The following CDC7 variants were observed in gnomAD, a reference collection of about 807,000 sequenced individuals.
CDC7 encodes cell division cycle 7-related protein kinase.
CDC7 carries 34 observed loss-of-function variants against 53.5 expected under a neutral mutation model. The ratio of observed to expected loss-of-function variants is 0.64; its 90% CI spans 0.48 to 0.85. The LOEUF is 0.85. CDC7 is among the 40% of genes least tolerant of loss of function. CDC7 has a pLI of 0.00. For missense variants in CDC7, 594 were observed against 679.7 expected (o/e 0.87, Z 1.40); for synonymous variants, 211 against 222.8 (o/e 0.95, Z 0.47).
In CDC7 at chr1:91,515,773, G is replaced by A. The variant is rs754546782; in HGVS notation, c.1098-21G>A. ...ATAGTTCAACTTTAACATAACTAGA[G>A]AAATCTTATTTCATCATAAGGCGTC... is the stretch of plus-strand genomic sequence containing the variant. On this transcript the variant is annotated intron_variant, in intron 9 of 11. Transcript: ENST00000234626. 5 of 1,611,852 alleles carry A rather than the reference G, an allele frequency of 3.1e-6. No individual in the cohort carries two copies. In the African/African-American group the frequency reaches 5.3e-5, roughly 17 times the overall value.
rs886616249 is a variant in CDC7, at chr1:91,525,666, A to T, written c.*1231A>T. 7 of 152,114 alleles carry T rather than the reference A, an allele frequency of 4.6e-5. No individual in the cohort carries two copies. The highest frequency in any genetic ancestry group is 1.0e-4 in the Non-Finnish European group (7 of 67,960). The allele number at this position is 152,114 out of a possible 1,614,324, so 9.4% of individuals were successfully genotyped here. Reference sequence around the variant, plus strand: ...TCTGTTTGGTAAGTATAGGATATATAAACCATTACCATTGATCTGTCTTAT... The same window carrying T: ...TCTGTTTGGTAAGTATAGGATATATTAACCATTACCATTGATCTGTCTTAT... On this transcript the variant is annotated 3_prime_UTR_variant, in exon 12 of 12. Transcript: ENST00000234626.
chr1:91,508,262 G>C lies in CDC7; in HGVS notation c.200G>C (p.Gly67Ala). 6.3e-7 allele frequency: 1 copy of C among 1,580,092 alleles called. No homozygotes were observed. The highest frequency in any genetic ancestry group is 8.6e-7 in the Non-Finnish European group (1 of 1,168,054). ...AAAAATTTAATAAATTGTTTTACAG[G>C]CACTTTCAGCTCTGTTTATTTGGCC... Reference protein sequence around the residue: ...VFKIEDKIGEGTFSSVYLATA... With the variant: ...VFKIEDKIGEATFSSVYLATA... Residue 67 changes from glycine to alanine, a missense_variant and splice_region_variant, in exon 4 of 12, where the codon GGC (glycine) becomes GCC (alanine). Gly to Ala is a moderately conservative substitution (Grantham distance 60, BLOSUM62 0). Transcript: ENST00000234626.
chr1:91,518,093 CAAAAAAAAAAA>C (rs55787737), intron 10 of CDC7, among the ~76,000 whole-genome samples: 8 of 46,020 alleles, frequency 1.7e-4, no homozygotes. Context: ...GACTCAGTCT[CAAAAAAAAAAA>C]AAAAAAAAAA....
intron 10 of CDC7, among the ~76,000 whole-genome samples, chr1:91,516,890 C>T (rs1486343263): frequency 6.6e-6 from 1 of 152,088 alleles, no homozygotes; most frequent in East Asian, 1.9e-4. Flanking sequence ...CATGGTGAAA[C>T]CCCATCTCTA....
chr1:91,522,651 A>G (rs1313724148), intron 11 of CDC7, among the ~76,000 whole-genome samples: 2 of 152,238 alleles, frequency 1.3e-5, no homozygotes, highest in Non-Finnish European at 2.9e-5. Flanking sequence ...AGAACAAGCT[A>G]ATAAAGGAAT....
At chr1:91,520,375 A>G in intron 11 of CDC7, 96 bp downstream of exon 11, 1 of 1,049,174 alleles carries the variant, frequency 9.5e-7, no homozygotes, top group Non-Finnish European at 1.3e-6. Context: ...TTACAAATAA[A>G]CATTCAGTCT....
rs529458734 is a variant in CDC7 at position 91,515,398 on chromosome 1, T to TTCAA, written c.1098-395_1098-392dup. 1.9e-3 allele frequency among the ~76,000 whole-genome samples: 290 copies of TTCAA among 152,312 alleles called. 1 individual carries two copies. The highest frequency in any genetic ancestry group is 6.6e-3 in the African/African-American group (273 of 41,578). On this transcript the variant is annotated intron_variant, in intron 9 of 11. Transcript: ENST00000234626. Reference sequence around the variant, plus strand: ...TTGACTCATAAATTTCTTCCTTTCCTTCAAGGCTTGGCTTTCATAAAGCCT... The same window carrying TTCAA: ...TTGACTCATAAATTTCTTCCTTTCCTTCAATCAAGGCTTGGCTTTCATAAAGCCT...
chr1:91,514,677 T>A, intron 8 of CDC7, 142 bp from the exon 9 acceptor site: 1 of 553,084 alleles, frequency 1.8e-6, no homozygotes. Context: ...AACATTTTAA[T>A]AGACAACAGT....
chr1:91,501,622 T>C (rs1666684252), intron 1 of CDC7, 32 bp from the exon 2 acceptor site: 14 of 876,510 alleles, frequency 1.6e-5, no homozygotes, highest in Non-Finnish European at 1.3e-5. Flanking sequence ...TAGCGAGTGA[T>C]CTAAATTTCT....
chr1:91,507,858 T>TA lies in CDC7; in HGVS notation c.126dup (p.Asp43ArgfsTer3). 1.5e-6 allele frequency: 2 copies of TA among 1,373,646 alleles called. No homozygotes were observed. The highest frequency in any genetic ancestry group is 1.3e-5 in the South Asian group (1 of 77,112). The allele number at this position is 1,373,646 out of a possible 1,614,324, so 85.1% of individuals were successfully genotyped here. The stretch of plus-strand genomic sequence containing the variant: ...AAATTTTTGTTTCCTTGAAAGGTGT[T>TA]AAAAAAGATATTGAGAAGCTTTATG... On this transcript the variant is annotated frameshift_variant, in exon 3 of 12. Coordinates refer to ENST00000234626, the MANE Select transcript of CDC7 (RefSeq NM_003503.4). LOFTEE classifies it high-confidence loss of function.
chr1:91,507,353 C>A (rs1385407653), intron 2 of CDC7, among the ~76,000 whole-genome samples: 1 of 152,162 alleles, frequency 6.6e-6, no homozygotes, highest in African/African-American at 2.4e-5. Flanking sequence ...GCAATTGGGA[C>A]AAATTTTTAA....
intron 11 of CDC7, among the ~76,000 whole-genome samples, chr1:91,523,513 T>G (rs1356572178): frequency 6.6e-6 from 1 of 152,164 alleles, no homozygotes; most frequent in Non-Finnish European, 1.5e-5. Flanking sequence ...AAAGTAATAG[T>G]AGAACTCTCA....
At chr1:91,509,438 C>T (rs942799052) in intron 4 of CDC7, among the ~76,000 whole-genome samples, 2 of 150,870 alleles carry the variant, frequency 1.3e-5, no homozygotes, top group African/African-American at 4.9e-5. Flanking sequence ...GGCCCATCTA[C>T]ACACTTGTTT....
chr1:91,512,442 G>A (rs369504514), intron 6 of CDC7, among the ~76,000 whole-genome samples: 1 of 151,902 alleles, frequency 6.6e-6, no homozygotes, highest in East Asian at 1.9e-4. Flanking sequence ...TCTTATCTCT[G>A]GACTTCATTT....
Position 91,514,903 on chromosome 1 carries a change from A to G in CDC7, c.1003A>G (p.Ser335Gly). ...KKAISTKVMNSAVMRKTASSC... is the reference protein window; with the variant it reads ...KKAISTKVMNGAVMRKTASSC... ...GGCTATTTCTACAAAAGTTATGAAT[A>G]GTGCTGTGATGAGGAAAACTGCCAG... The change falls in exon 9 of 12, where the codon AGT (serine) becomes GGT (glycine). Residue 335 changes from serine to glycine, a missense_variant. Ser to Gly is a moderately conservative substitution (Grantham distance 56, BLOSUM62 0). Transcript: ENST00000234626. 2 of 1,613,530 alleles carry G rather than the reference A, an allele frequency of 1.2e-6. No individual in the cohort carries two copies. Among genetic ancestry groups the G allele is most frequent in the Non-Finnish European group, 1.7e-6 (2 of 1,179,520 alleles).
chr1:91,518,477 A>G (rs1384914539), intron 10 of CDC7, among the ~76,000 whole-genome samples: 1 of 152,216 alleles, frequency 6.6e-6, no homozygotes, highest in Non-Finnish European at 1.5e-5. Flanking sequence ...CCAAAATTTG[A>G]AAGCGACCTA....
chr1:91,513,370 A>G, intron 7 of CDC7, 63 bp downstream of exon 7: 6 of 1,454,320 alleles, frequency 4.1e-6, no homozygotes, highest in Non-Finnish European at 5.7e-6. Flanking sequence ...TTCAACCAAC[A>G]GAGGGAGATA....
chr1:91,522,715 G>A (rs1048683506), intron 11 of CDC7, among the ~76,000 whole-genome samples: 2 of 152,132 alleles, frequency 1.3e-5, no homozygotes, highest in African/African-American at 2.4e-5. Flanking sequence ...GAATAGGAAT[G>A]ATAGAATCAG....
At chr1:91,512,357 G>T (rs1450578618) in intron 6 of CDC7, among the ~76,000 whole-genome samples, 1 of 151,650 alleles carries the variant, frequency 6.6e-6, no homozygotes, top group Admixed American at 6.6e-5. Flanking sequence ...TACATTATTA[G>T]ATGTACTATG....
Sources: allele counts gnomAD v4.1 joint callset (sites outside exome capture counted in the v4.1 genomes callset), GRCh38; gene constraint gnomAD v4.1.1; transcripts MANE v1.5; gene names NCBI Gene and HGNC (gene_info 2026-07-23, HGNC 2026-07-21).